XDH: variants seen among roughly 807,000 people sequenced by gnomAD.
The protein encoded by XDH is xanthine dehydrogenase, also known as xanthine dehydrogenase/oxidase.
In XDH, 138 loss-of-function variants were observed where a neutral mutation model predicts 156.1. The ratio of observed to expected loss-of-function variants is 0.88; its 90% CI spans 0.77 to 1.02. The LOEUF (loss-of-function observed/expected upper bound fraction) is 1.02, where lower values mean the gene tolerates loss of function less well. Among genes scored for constraint, XDH ranks in the 50% least tolerant of loss-of-function variants. The pLI is 0.00. For missense variants in XDH, 1,849 were observed against 1,684.9 expected (o/e 1.10, Z -1.71); for synonymous variants, 669 against 625.7 (o/e 1.07, Z -1.03).
In XDH at chr2:31,342,313, G is replaced by T. The variant is rs1685146479; in HGVS notation, c.3405-16C>A. On this transcript the variant is annotated splice_polypyrimidine_tract_variant and intron_variant, in intron 31 of 35. Coordinates refer to ENST00000379416, the MANE Select transcript of XDH (RefSeq NM_000379.4). ...ATTGGGTGTTCTGGGAGAGGAAAGA[G>T]AAGGTACTGCACATGTATTAACATG... 6.2e-7 allele frequency: 1 copy of T among 1,603,592 alleles called. No individual in the cohort carries two copies. Among genetic ancestry groups the T allele is most frequent in the East Asian group, 2.2e-5 (1 of 44,830 alleles).
In XDH at chr2:31,347,669, T is replaced by C. The variant is rs1420478154; in HGVS notation, c.3148-19A>G. The stretch of plus-strand genomic sequence containing the variant: ...TGGCCACCTGCGAAAAGAGAAGACA[T>C]TGCCCTCTAGGGAAGGGGTTATCAT... On this transcript the variant is annotated intron_variant, in intron 28 of 35. Coordinates refer to ENST00000379416, the MANE Select transcript of XDH (RefSeq NM_000379.4). 3.7e-6 allele frequency: 6 copies of C among 1,611,952 alleles called. No individual in the cohort carries two copies. The highest frequency in any genetic ancestry group is 3.3e-5 in the Admixed American group (2 of 59,928).
At chr2:31,375,650 C>T in intron 14 of XDH, 96 bp from the exon 15 acceptor site, 1 of 1,454,704 alleles carries the variant, frequency 6.9e-7, no homozygotes, top group Non-Finnish European at 9.3e-7. Context: ...CTGTACAAAG[C>T]TTGGTTCAAA....
At chr2:31,412,471 G>A (rs547169020) in intron 1 of XDH, among the ~76,000 whole-genome samples, 7 of 152,038 alleles carry the variant, frequency 4.6e-5, no homozygotes, top group East Asian at 1.9e-4. Context: ...ATCACACACC[G>A]GGGCCTGTCG....
chr2:31,392,669 C>T (rs999324144), intron 6 of XDH, among the ~76,000 whole-genome samples: 13 of 152,206 alleles, frequency 8.5e-5, no homozygotes, highest in African/African-American at 1.7e-4. Context: ...GTGATCCGCC[C>T]GCCTCATCCT....
intron 30 of XDH, 96 bp downstream of exon 30, chr2:31,346,673 A>G (rs959060117): frequency 7.0e-6 from 10 of 1,430,960 alleles, no homozygotes; most frequent in Non-Finnish European, 9.9e-6. Flanking sequence ...TCTGACTAAA[A>G]TATTGTCTCC....
chr2:31,365,773 G>A (rs1057101125), intron 22 of XDH, among the ~76,000 whole-genome samples: 1 of 152,176 alleles, frequency 6.6e-6, no homozygotes, highest in Non-Finnish European at 1.5e-5. Flanking sequence ...AGAGATCAGA[G>A]GTGGATACCT....
chr2:31,342,040 C>T lies in XDH; in HGVS notation c.3519+143G>A, dbSNP rs565676291. The T allele has an allele frequency of 4.1e-6, 3 of 736,834 alleles. No homozygotes were observed. In the East Asian group the frequency reaches 8.4e-5, roughly 21 times the overall value. The allele number at this position is 736,834 out of a possible 1,614,324, so 45.6% of individuals were successfully genotyped here. A position where few individuals can be genotyped will look rare whatever the true frequency, so the allele number is the denominator to read the frequency against. On this transcript the variant is annotated intron_variant, in intron 32 of 35. Coordinates refer to ENST00000379416, the MANE Select transcript of XDH (RefSeq NM_000379.4). Reference sequence around the variant, plus strand: ...GAAGTCTAAAACACTTACTCTGTGGCCCTTTATAGGATGTTTGCCTATCCT... The same window carrying T: ...GAAGTCTAAAACACTTACTCTGTGGTCCTTTATAGGATGTTTGCCTATCCT...
intron 2 of XDH, among the ~76,000 whole-genome samples, chr2:31,405,230 C>T (rs1285834185): frequency 6.6e-6 from 1 of 152,158 alleles, no homozygotes; most frequent in African/African-American, 2.4e-5. Flanking sequence ...CACTTTGAAT[C>T]CTGCCTGTAT....
Position 31,397,723 on chromosome 2 carries a change from A to G in XDH, c.440T>C (p.Leu147Pro). ...EEIENAFQGNLCRCTGYRPIL... is the reference protein window; with the variant it reads ...EEIENAFQGNPCRCTGYRPIL... The stretch of plus-strand genomic sequence containing the variant: ...GGGTCTGTAGCCTGTGCAGCGGCAC[A>G]GATTTCCTGTGGGCCAAGGAAAAAA... The change falls in exon 6 of 36, where the codon CTG (leucine) becomes CCG (proline). Residue 147 changes from leucine (L) to proline (P), a missense_variant. By Grantham distance (98) the Leu-to-Pro change is moderately conservative (BLOSUM62 -3). Coordinates refer to ENST00000379416, the MANE Select transcript of XDH (RefSeq NM_000379.4). The G allele has an allele frequency of 9.3e-6, 15 of 1,614,210 alleles. No homozygotes were observed. Among genetic ancestry groups the G allele is most frequent in the Non-Finnish European group, 1.2e-5 (14 of 1,180,022 alleles).
intron 1 of XDH, among the ~76,000 whole-genome samples, chr2:31,408,965 C>T (rs1170266770): frequency 1.3e-5 from 2 of 152,134 alleles, no homozygotes; most frequent in East Asian, 1.9e-4. Context: ...TAAAAAAGAA[C>T]GAGATCCTGT....
intron 17 of XDH, 47 bp from the exon 18 acceptor site, chr2:31,370,525 G>A: frequency 1.2e-6 from 2 of 1,611,646 alleles, no homozygotes; most frequent in Non-Finnish European, 1.7e-6. Context: ...AGCTGGAGCA[G>A]GGGACCCATC....
rs1686758073 is a variant in XDH at position 31,391,382 on chromosome 2, A to G, written c.496-3087T>C. ...GTAGTATGGACAGTGTCCATACTAC[A>G]CTGTCTTGATAACTGCAGCTTTGTA... On this transcript the variant is annotated intron_variant, in intron 6 of 35. Coordinates refer to ENST00000379416, the MANE Select transcript of XDH (RefSeq NM_000379.4). Among the ~76,000 whole-genome samples, 5 of 152,180 alleles carry G rather than the reference A, an allele frequency of 3.3e-5. No homozygotes were observed. The South Asian group carries it at 8.3e-4, about 25-fold the overall frequency.
At chr2:31,374,219 T>C (rs1686162712) in intron 15 of XDH, among the ~76,000 whole-genome samples, 1 of 152,176 alleles carries the variant, frequency 6.6e-6, no homozygotes, top group Admixed American at 6.5e-5. Context: ...CCCCAAACTC[T>C]TTCCCTCCTT....
chr2:31,340,068 G>A (rs1048695635), intron 33 of XDH, among the ~76,000 whole-genome samples: 10 of 152,132 alleles, frequency 6.6e-5, no homozygotes, highest in African/African-American at 9.7e-5. Context: ...CTTTTTGAAC[G>A]CCCACCCCTG....
chr2:31,414,482 C>T (rs758066723), intron 1 of XDH, 143 bp downstream of exon 1: 123 of 1,238,124 alleles, frequency 9.9e-5, no homozygotes, highest in Non-Finnish European at 1.4e-4. Flanking sequence ...CAAAATGCAG[C>T]GACACCTTTA....
intron 23 of XDH, 86 bp from the exon 24 acceptor site, chr2:31,364,330 T>C (rs1445600207): frequency 3.4e-5 from 45 of 1,331,950 alleles, no homozygotes; most frequent in Non-Finnish European, 4.1e-5. Flanking sequence ...CTCCCACTTA[T>C]GTCACCTGGA....
At chr2:31,349,339 G>C (rs1479624397) in intron 26 of XDH, among the ~76,000 whole-genome samples, 2 of 152,182 alleles carry the variant, frequency 1.3e-5, no homozygotes, top group Non-Finnish European at 2.9e-5. Flanking sequence ...CTGAGGCCCA[G>C]GGACTCCCAA....
intron 12 of XDH, 147 bp downstream of exon 12, chr2:31,381,486 G>A (rs1010623453): frequency 8.4e-6 from 7 of 829,302 alleles, no homozygotes; most frequent in Admixed American, 2.0e-5. Flanking sequence ...ACCAAACCAG[G>A]TACATTCTCC....
intron 23 of XDH, 73 bp downstream of exon 23, chr2:31,365,384 G>A (rs1685881904): frequency 6.6e-7 from 1 of 1,512,156 alleles, no homozygotes; most frequent in African/African-American, 1.4e-5. Flanking sequence ...AGCTCAGGAT[G>A]CCTGGACATT....
Sources: gnomAD v4.1 joint callset for allele counts (sites outside exome capture counted in the v4.1 genomes callset) on GRCh38, gnomAD v4.1.1 for gene constraint, MANE v1.5 for transcripts, NCBI Gene and HGNC (gene_info 2026-07-23, HGNC 2026-07-21) for gene names.